FSTL5: variants seen among roughly 807,000 people sequenced by gnomAD.
FSTL5 encodes the protein follistatin-related protein 5.
A neutral mutation model predicts 89.1 loss-of-function variants in FSTL5; 62 were observed. The observed-to-expected ratio is 0.70, with a 90% CI of 0.57 to 0.86. The LOEUF (loss-of-function observed/expected upper bound fraction) is 0.86, where lower values mean the gene tolerates loss of function less well. Ranked by LOEUF, FSTL5 falls within the 40% of genes least tolerant of loss-of-function variation. The pLI, the probability that FSTL5 is intolerant of heterozygous loss-of-function variation, is 0.00. For missense variants in FSTL5, 1,057 were observed against 1,001.6 expected (o/e 1.06, Z -0.75); for synonymous variants, 383 against 346.2 (o/e 1.11, Z -1.18).
chr4:161,649,507 G>A (rs58710442), intron 7 of FSTL5, among the ~76,000 whole-genome samples: 125 of 152,206 alleles, frequency 8.2e-4, no homozygotes, highest in African/African-American at 2.8e-3. Flanking sequence ...GGCTGGTTCC[G>A]TTTACCAAAG....
At chr4:161,972,578 C>T (rs879224420) in intron 3 of FSTL5, among the ~76,000 whole-genome samples, 1 of 152,110 alleles carries the variant, frequency 6.6e-6, no homozygotes, top group Non-Finnish European at 1.5e-5. Flanking sequence ...CCTAGTGGAA[C>T]AGGCCCCAGA....
At chr4:162,104,447 C>T (rs1270031750) in intron 2 of FSTL5, among the ~76,000 whole-genome samples, 1 of 152,178 alleles carries the variant, frequency 6.6e-6, no homozygotes, top group African/African-American at 2.4e-5. Flanking sequence ...ATCTTGGGAG[C>T]TCTGAGAGCA....
intron 6 of FSTL5, among the ~76,000 whole-genome samples, chr4:161,724,377 T>A (rs1053816117): frequency 1.3e-5 from 2 of 152,058 alleles, no homozygotes; most frequent in African/African-American, 2.4e-5. Context: ...AAAAAACGCA[T>A]CATGTTCTAG....
chr4:161,896,508 A>G (rs895546469), intron 4 of FSTL5, among the ~76,000 whole-genome samples: 17 of 152,164 alleles, frequency 1.1e-4, no homozygotes, highest in African/African-American at 4.1e-4. Flanking sequence ...AAAGTAGCTT[A>G]ATGGAACTGA....
intron 2 of FSTL5, among the ~76,000 whole-genome samples, chr4:162,053,155 G>A (rs1345402034): frequency 1.6e-4 from 25 of 151,708 alleles, no homozygotes. Flanking sequence ...TTATAAAATT[G>A]TTTAAAAATA....
chr4:162,104,165 C>T (rs1389112368), intron 2 of FSTL5, among the ~76,000 whole-genome samples: 17 of 152,218 alleles, frequency 1.1e-4, no homozygotes, highest in Admixed American at 9.8e-4. Context: ...TCCAGCGAGG[C>T]GCCTATTGCC....
chr4:162,091,520 TCCTTCCCCAGTTA>T (rs1375519769), intron 2 of FSTL5, among the ~76,000 whole-genome samples: 1 of 152,096 alleles, frequency 6.6e-6, no homozygotes, highest in Non-Finnish European at 1.5e-5. Flanking sequence ...TTTCCAACCC[TCCTTCCCCAGTTA>T]ACCTGGCAAA....
At chr4:161,546,150 G>A (rs1578914509) in intron 8 of FSTL5, among the ~76,000 whole-genome samples, 2 of 151,126 alleles carry the variant, frequency 1.3e-5, no homozygotes, top group East Asian at 3.9e-4. Flanking sequence ...GAAGAAGAAA[G>A]GCGATAATAG....
At chr4:162,031,996 T>C (rs1250361221) in intron 3 of FSTL5, among the ~76,000 whole-genome samples, 1 of 152,124 alleles carries the variant, frequency 6.6e-6, no homozygotes, top group Non-Finnish European at 1.5e-5. Flanking sequence ...TTCTGAACCA[T>C]GTGCTAGCTA....
intron 4 of FSTL5, among the ~76,000 whole-genome samples, chr4:161,799,202 A>G (rs1729723251): frequency 6.6e-6 from 1 of 151,688 alleles, no homozygotes; most frequent in Non-Finnish European, 1.5e-5. Context: ...TGATTAAATT[A>G]CATGTGAAGA....
At chr4:161,789,661 G>A (rs1035746219) in intron 4 of FSTL5, among the ~76,000 whole-genome samples, 1 of 151,914 alleles carries the variant, frequency 6.6e-6, no homozygotes, top group Non-Finnish European at 1.5e-5. Flanking sequence ...AATATTTAAC[G>A]TGTGTTCATT....
At chr4:161,470,572 G>C (rs1319578051) in intron 13 of FSTL5, among the ~76,000 whole-genome samples, 4 of 151,454 alleles carry the variant, frequency 2.6e-5, no homozygotes, top group African/African-American at 9.7e-5. Context: ...TGCTATTTAG[G>C]GTCCCTTAAG....
chr4:162,144,983 T>C (rs1483636901), intron 1 of FSTL5, among the ~76,000 whole-genome samples: 1 of 148,674 alleles, frequency 6.7e-6, no homozygotes, highest in African/African-American at 2.6e-5. Flanking sequence ...GAATACAATA[T>C]ATATTCATTG....
rs186141240 is a variant in FSTL5 at position 161,626,750 on chromosome 4, C to T, written c.894+29578G>A. On this transcript the variant is annotated intron_variant, in intron 7 of 15. Coordinates refer to ENST00000306100, the MANE Select transcript of FSTL5 (RefSeq NM_020116.5). ...GGAAAGGATTCACCATTCTTGATGC[C>T]GTTAAGAACATTCATGATTTATGCC... is the stretch of plus-strand genomic sequence containing the variant. Among the ~76,000 whole-genome samples the T allele has an allele frequency of 1.3e-3, 193 of 152,226 alleles. 2 individuals carry two copies. Among genetic ancestry groups the T allele is most frequent in the East Asian group, 4.8e-3 (25 of 5,170 alleles).
chr4:162,094,159 G>C (rs979858332), intron 2 of FSTL5, among the ~76,000 whole-genome samples: 1 of 152,074 alleles, frequency 6.6e-6, no homozygotes, highest in African/African-American at 2.4e-5. Context: ...GAGGCCGAGG[G>C]AGGCAGATCA....
chr4:161,652,214 A>C (rs1578996548), intron 7 of FSTL5, among the ~76,000 whole-genome samples: 1 of 152,256 alleles, frequency 6.6e-6, no homozygotes, highest in South Asian at 2.1e-4. Flanking sequence ...AAGCAGGAGG[A>C]TCACTTGAGG....
intron 15 of FSTL5, among the ~76,000 whole-genome samples, chr4:161,416,122 T>G (rs1370608343): frequency 1.3e-5 from 2 of 152,172 alleles, no homozygotes; most frequent in African/African-American, 4.8e-5. Context: ...AATGATCTAC[T>G]GCAACACATA....
chr4:162,023,483 C>T (rs1209723703), intron 3 of FSTL5, among the ~76,000 whole-genome samples: 1 of 152,144 alleles, frequency 6.6e-6, no homozygotes, highest in African/African-American at 2.4e-5. Context: ...CTGTCTGCAT[C>T]AGTCTTGCAG....
At chr4:161,818,225 A>G (rs1243878858) in intron 4 of FSTL5, among the ~76,000 whole-genome samples, 1 of 152,206 alleles carries the variant, frequency 6.6e-6, no homozygotes, top group Non-Finnish European at 1.5e-5. Context: ...TGGCTGGAAC[A>G]GTCAGAGGAG....
Sources: gnomAD v4.1 joint callset for allele counts (sites outside exome capture counted in the v4.1 genomes callset) on GRCh38, gnomAD v4.1.1 for gene constraint, MANE v1.5 for transcripts, NCBI Gene and HGNC (gene_info 2026-07-23, HGNC 2026-07-21) for gene names.